The following ICA1 variants were observed in gnomAD, a reference collection of about 807,000 sequenced individuals.
ICA1 encodes 69 kDa islet cell autoantigen.
A neutral mutation model predicts 71.0 loss-of-function variants in ICA1; 40 were observed. That is an observed-to-expected ratio of 0.56 (90% CI 0.44 to 0.73). The LOEUF is 0.73. ICA1 is among the 30% of genes least tolerant of loss of function. The pLI, the probability that ICA1 is intolerant of heterozygous loss-of-function variation, is 0.00. For synonymous variants in ICA1, 207 were observed against 209.5 expected (o/e 0.99, Z 0.10); for missense variants, 578 against 576.5 (o/e 1.00, Z -0.03).
chr7:8,259,252 G>A (rs563589969), intron 1 of ICA1, among the ~76,000 whole-genome samples: 15 of 152,318 alleles, frequency 9.8e-5, no homozygotes, highest in South Asian at 6.2e-4. Flanking sequence ...TAGCAGGCAC[G>A]CTAAGATTTT....
At chr7:8,194,546 AG>A (rs1219837880) in intron 6 of ICA1, among the ~76,000 whole-genome samples, 1 of 152,222 alleles carries the variant, frequency 6.6e-6, no homozygotes, top group African/African-American at 2.4e-5. Context: ...AAGTCCCTTG[AG>A]CCATCAAAAG....
chr7:8,213,040 C>T (rs77056884), intron 6 of ICA1, among the ~76,000 whole-genome samples: 2,513 of 152,218 alleles, frequency 0.017, 69 homozygotes, highest in African/African-American at 0.058. Flanking sequence ...CAGCAACCCA[C>T]GGGTGGGGTT....
intron 13 of ICA1, among the ~76,000 whole-genome samples, chr7:8,121,496 G>A (rs145040405): frequency 6.6e-6 from 1 of 152,264 alleles, no homozygotes; most frequent in Non-Finnish European, 1.5e-5. Flanking sequence ...ACTAAGCCAG[G>A]CGCAGAAAGA....
At chr7:8,171,084 G>A (rs1014451891) in intron 6 of ICA1, among the ~76,000 whole-genome samples, 2 of 151,822 alleles carry the variant, frequency 1.3e-5, no homozygotes, top group African/African-American at 2.4e-5. Context: ...GTTCATGAAG[G>A]ACATTAGCTT....
Position 8,127,577 on chromosome 7 carries a change from T to C in ICA1, c.1330+296A>G, listed in dbSNP as rs183563120. 2.0e-4 allele frequency among the ~76,000 whole-genome samples: 30 copies of C among 152,204 alleles called. 1 individual carries two copies. The East Asian group carries it at 5.6e-3, about 28-fold the overall frequency. ...GGCCAAGTCAACGGGGCCTTGACCA[T>C]GAAAGCAGTTTGATCCTCTCAAGTA... On this transcript the variant is annotated intron_variant, in intron 13 of 13. Transcript: ENST00000402384.
chr7:8,185,619 T>C (rs1161846347), intron 6 of ICA1, among the ~76,000 whole-genome samples: 2 of 152,214 alleles, frequency 1.3e-5, no homozygotes, highest in Non-Finnish European at 2.9e-5. Context: ...AAGAACCATC[T>C]GCCTGGAGTG....
At chr7:8,169,653 T>C (rs1435446479) in intron 6 of ICA1, among the ~76,000 whole-genome samples, 4 of 152,128 alleles carry the variant, frequency 2.6e-5, no homozygotes, top group Non-Finnish European at 5.9e-5. Flanking sequence ...TTTTTAGTAA[T>C]GTGTCTATTC....
chr7:8,118,412 C>T (rs972822156), intron 13 of ICA1, among the ~76,000 whole-genome samples: 1 of 152,198 alleles, frequency 6.6e-6, no homozygotes, highest in African/African-American at 2.4e-5. Context: ...TAACACTGGA[C>T]TGTGGTGAAG....
At chr7:8,178,191 C>T (rs1781169866) in intron 6 of ICA1, among the ~76,000 whole-genome samples, 1 of 151,804 alleles carries the variant, frequency 6.6e-6, no homozygotes, top group Admixed American at 6.5e-5. Flanking sequence ...ATTGGTGTCA[C>T]GTTGTTTCTC....
intron 13 of ICA1, among the ~76,000 whole-genome samples, chr7:8,120,076 A>G (rs1479378834): frequency 6.6e-6 from 1 of 152,200 alleles, no homozygotes; most frequent in Non-Finnish European, 1.5e-5. Context: ...AGACATGAAG[A>G]TGATAAAGCC....
intron 9 of ICA1, chr7:8,142,174 C>A: frequency 2.2e-6 from 1 of 455,980 alleles, no homozygotes; most frequent in Non-Finnish European, 3.7e-6. Flanking sequence ...TCTTCTGATT[C>A]CTAGTGTTAT....
At chr7:8,256,747 G>A (rs1479592173) in intron 1 of ICA1, among the ~76,000 whole-genome samples, 1 of 152,118 alleles carries the variant, frequency 6.6e-6, no homozygotes, top group Non-Finnish European at 1.5e-5. Flanking sequence ...ATGAGTACAG[G>A]GACCCTCAAG....
intron 13 of ICA1, among the ~76,000 whole-genome samples, chr7:8,120,753 C>G (rs189347431): frequency 2.6e-4 from 39 of 152,218 alleles, no homozygotes; most frequent in Non-Finnish European, 4.0e-4. Flanking sequence ...AACTGCCCCC[C>G]GTTACTTACA....
intron 11 of ICA1, 36 bp from the exon 12 acceptor site, chr7:8,138,917 C>G: frequency 6.3e-7 from 1 of 1,595,434 alleles, no homozygotes; most frequent in Non-Finnish European, 8.6e-7. Context: ...AATTATAAGT[C>G]AGTTTCATTT....
intron 8 of ICA1, among the ~76,000 whole-genome samples, chr7:8,146,910 G>A (rs939968026): frequency 3.7e-5 from 5 of 135,642 alleles, no homozygotes; most frequent in Admixed American, 2.2e-4. Context: ...ACACACACTC[G>A]CCTTTCGGTA....
rs998227534 is a variant in ICA1, at chr7:8,123,373, G to A, written c.1330+4500C>T. On this transcript the variant is annotated intron_variant, in intron 13 of 13. Coordinates refer to ENST00000402384, the MANE Select transcript of ICA1 (RefSeq NM_001136020.3). This position sits in a 1 kb window ranked among gnomAD's most constrained non-coding sequence, Gnocchi z 4.1. ...AGACGACAGAGGAGGAAACTGAAGAGATGAAGGCGGAAGAGGAGGGGGAAA... is the reference window on the plus strand; with the variant it reads ...AGACGACAGAGGAGGAAACTGAAGAAATGAAGGCGGAAGAGGAGGGGGAAA... 2.0e-5 allele frequency among the ~76,000 whole-genome samples: 3 copies of A among 152,166 alleles called. No individual in the cohort carries two copies. The highest frequency in any genetic ancestry group is 7.2e-5 in the African/African-American group (3 of 41,438).
At chr7:8,157,712 TGAGA>T (rs1802186805) in intron 7 of ICA1, 2 of 152,094 alleles carry the variant, frequency 1.3e-5, no homozygotes, top group African/African-American at 2.4e-5. Flanking sequence ...TTTTTTTTTT[TGAGA>T]TGGAGTCTTG....
At chr7:8,178,270 T>C (rs765596232) in intron 6 of ICA1, among the ~76,000 whole-genome samples, 18 of 152,176 alleles carry the variant, frequency 1.2e-4, no homozygotes, top group Non-Finnish European at 2.5e-4. Context: ...ATTCCCAAAG[T>C]CTGATCTTAG....
intron 1 of ICA1, among the ~76,000 whole-genome samples, chr7:8,238,925 A>G (rs1045245107): frequency 3.3e-5 from 5 of 152,212 alleles, no homozygotes; most frequent in Admixed American, 2.6e-4. Context: ...GATTCTGGGA[A>G]TCTAGTTTTA....
Sources: allele counts gnomAD v4.1 joint callset (sites outside exome capture counted in the v4.1 genomes callset), GRCh38; gene constraint gnomAD v4.1.1; non-coding constraint Gnocchi (gnomAD v3.1); transcripts MANE v1.5; gene names NCBI Gene and HGNC (gene_info 2026-07-23, HGNC 2026-07-21).